The following VPS13B variants were observed in gnomAD, a reference collection of about 807,000 sequenced individuals.
VPS13B encodes the protein vacuolar protein sorting 13 homolog B.
VPS13B carries 285 observed loss-of-function variants against 426.4 expected under a neutral mutation model. That is an observed-to-expected ratio of 0.67 (90% CI 0.61 to 0.74). The LOEUF is 0.74. VPS13B is among the 30% of genes least tolerant of loss of function. The probability of loss-of-function intolerance (pLI) is 0.00; values close to 1 mark genes in which losing one functional copy is unlikely to be tolerated. For missense variants in VPS13B, 4,537 were observed against 4,782.6 expected, an observed-to-expected ratio of 0.95 and a Z score of 1.51; for synonymous variants, 1,676 against 1,676.4, an observed-to-expected ratio of 1.00 and a Z score of 0.01.
chr8:99,613,734 T>G (rs997579635), intron 33 of VPS13B: 8 of 152,194 alleles, frequency 5.3e-5, no homozygotes, highest in Non-Finnish European at 1.0e-4. Context: ...CGTGGTGACA[T>G]GCTATCAACA....
intron 33 of VPS13B, among the ~76,000 whole-genome samples, chr8:99,632,784 G>A (rs140056370): frequency 1.3e-5 from 2 of 152,050 alleles, no homozygotes; most frequent in African/African-American, 4.8e-5. Context: ...GAGAATATAT[G>A]GCTTTAGTTC....
intron 61 of VPS13B, chr8:99,875,163 G>A (rs1389627273): frequency 3.8e-6 from 2 of 530,920 alleles, no homozygotes; most frequent in African/African-American, 3.8e-5. Flanking sequence ...TCAAACATGG[G>A]AATTTTATGC....
intron 35 of VPS13B, chr8:99,697,361 A>G (rs1276991707): frequency 3.4e-6 from 2 of 584,436 alleles, no homozygotes; most frequent in Non-Finnish European, 6.1e-6. Flanking sequence ...AACCTCAGCC[A>G]GAAGTGCCTG....
intron 24 of VPS13B, among the ~76,000 whole-genome samples, chr8:99,477,626 T>G (rs1286152030): frequency 6.6e-6 from 1 of 152,208 alleles, no homozygotes; most frequent in African/African-American, 2.4e-5. Context: ...ATTGTGACCC[T>G]TGTACACTAT....
chr8:99,544,354 C>T (rs1418261632), intron 30 of VPS13B, among the ~76,000 whole-genome samples: 1 of 152,014 alleles, frequency 6.6e-6, no homozygotes, highest in Non-Finnish European at 1.5e-5. Flanking sequence ...GGGAGATATA[C>T]CTAATGCTAG....
intron 34 of VPS13B, among the ~76,000 whole-genome samples, chr8:99,659,994 T>A (rs1830162988): frequency 6.6e-6 from 1 of 152,200 alleles, no homozygotes; most frequent in African/African-American, 2.4e-5. Flanking sequence ...AGCAACAGAC[T>A]TTTTAATCAT....
At chr8:99,669,496 T>G (rs1455183586) in intron 35 of VPS13B, among the ~76,000 whole-genome samples, 1 of 152,196 alleles carries the variant, frequency 6.6e-6, no homozygotes, top group East Asian at 1.9e-4. Context: ...GTCATTTATG[T>G]TTTATTATAA....
chr8:99,206,430 A>G (rs1053895316), intron 17 of VPS13B, among the ~76,000 whole-genome samples: 2 of 152,222 alleles, frequency 1.3e-5, no homozygotes, highest in African/African-American at 4.8e-5. Flanking sequence ...AATGAAATTC[A>G]ATAATACAGT....
chr8:99,055,800 G>A (rs948773863), intron 3 of VPS13B, among the ~76,000 whole-genome samples: 1 of 151,974 alleles, frequency 6.6e-6, no homozygotes, highest in African/African-American at 2.4e-5. Context: ...TGTGATCATG[G>A]CTCACTGCAG....
intron 34 of VPS13B, among the ~76,000 whole-genome samples, chr8:99,645,320 C>A (rs183341507): frequency 6.6e-6 from 1 of 152,234 alleles, no homozygotes; most frequent in East Asian, 1.9e-4. Context: ...ATGAATAATT[C>A]TAAAGTACTT....
At chr8:99,460,407 A>G (rs2133487748) in intron 23 of VPS13B, among the ~76,000 whole-genome samples, 1 of 152,314 alleles carries the variant, frequency 6.6e-6, no homozygotes, top group South Asian at 2.1e-4. Flanking sequence ...ATATCTACAT[A>G]TAATATAACC....
intron 39 of VPS13B, among the ~76,000 whole-genome samples, chr8:99,760,337 A>G (rs1218216258): frequency 6.6e-6 from 1 of 152,200 alleles, no homozygotes; most frequent in Admixed American, 6.5e-5. Context: ...GAAAAATACA[A>G]ATTTGACATC....
intron 19 of VPS13B, among the ~76,000 whole-genome samples, chr8:99,296,049 G>A (rs1026685360): frequency 2.6e-5 from 4 of 151,938 alleles, no homozygotes; most frequent in Non-Finnish European, 4.4e-5. Flanking sequence ...ACAAAAGGAA[G>A]TATAGTTCCT....
rs573584833 is a variant in VPS13B, at chr8:99,573,442, T to G, written c.4950-2216T>G. On this transcript the variant is annotated intron_variant, in intron 31 of 61. Coordinates refer to ENST00000357162, the MANE Select transcript of VPS13B (RefSeq NM_152564.5). ...GTTTTTATGGTTTTAGGTCTAACAT[T>G]TAAGTCTTTAATCCATCTTGAATTA... Among the ~76,000 whole-genome samples the G allele has an allele frequency of 1.6e-4, 25 of 152,358 alleles. 1 individual carries two copies. The highest frequency in any genetic ancestry group is 5.3e-4 in the African/African-American group (22 of 41,580).
At chr8:99,159,520 T>A (rs1811529561) in intron 15 of VPS13B, among the ~76,000 whole-genome samples, 1 of 152,218 alleles carries the variant, frequency 6.6e-6, no homozygotes, top group Non-Finnish European at 1.5e-5. Context: ...ATTGTTGTCT[T>A]ATTTTTAGAA....
At chr8:99,341,922 C>T (rs946546360) in intron 19 of VPS13B, among the ~76,000 whole-genome samples, 1 of 152,136 alleles carries the variant, frequency 6.6e-6, no homozygotes, top group African/African-American at 2.4e-5. Context: ...ACACAAGGCT[C>T]CCGACTGGGG....
chr8:99,757,641 A>C (rs1810707254), intron 39 of VPS13B, among the ~76,000 whole-genome samples: 1 of 152,220 alleles, frequency 6.6e-6, no homozygotes, highest in Non-Finnish European at 1.5e-5. Context: ...TTGTACCAAA[A>C]ATATTTTTAA....
chr8:99,853,830 T>A lies in VPS13B; in HGVS notation c.10441T>A (p.Cys3481Ser). The change falls in exon 56 of 62, where the codon TGC (cysteine) becomes AGC (serine). Residue 3481 changes from cysteine to serine, a missense_variant. Transcript: ENST00000357162. ...CAAGGAAAAATGTTTTATCAAACTT[T>A]GCATCACCTTAAATGAAGGCAAGAG... Reference protein sequence around the residue: ...EYKEKCFIKLCITLNEGKSIL... With the variant: ...EYKEKCFIKLSITLNEGKSIL... 1 of 1,614,280 alleles carries A rather than the reference T, an allele frequency of 6.2e-7. No individual in the cohort carries two copies. Among genetic ancestry groups the A allele is most frequent in the Non-Finnish European group, 8.5e-7 (1 of 1,180,044 alleles).
At chr8:99,737,043 T>G (rs1410685506) in intron 39 of VPS13B, among the ~76,000 whole-genome samples, 1 of 150,266 alleles carries the variant, frequency 6.7e-6, no homozygotes, top group Non-Finnish European at 1.5e-5. Context: ...TACTTGTAGT[T>G]TAATGAAAAA....
Sources: allele counts gnomAD v4.1 joint callset (sites outside exome capture counted in the v4.1 genomes callset), GRCh38; gene constraint gnomAD v4.1.1; transcripts MANE v1.5; gene names NCBI Gene and HGNC (gene_info 2026-07-23, HGNC 2026-07-21).